The following MACF1 variants were observed in gnomAD, a reference collection of about 807,000 sequenced individuals.
MACF1 encodes microtubule-actin cross-linking factor 1.
MACF1 carries 193 observed loss-of-function variants against 854.8 expected under a neutral mutation model. That is an observed-to-expected ratio of 0.23 (90% CI 0.20 to 0.25). The LOEUF (loss-of-function observed/expected upper bound fraction) is 0.25, where lower values mean the gene tolerates loss of function less well. MACF1 is among the 10% of genes least tolerant of loss of function. MACF1 has a pLI of 1.00. For missense variants in MACF1, 7,722 were observed against 8,929.1 expected (o/e 0.86, Z 5.45); for synonymous variants, 3,185 against 3,226.7 (o/e 0.99, Z 0.44).
chr1:39,363,608 T>TTTC (rs1557610954), intron 49 of MACF1, among the ~76,000 whole-genome samples: 1 of 71,288 alleles, frequency 1.4e-5, no homozygotes, highest in Non-Finnish European at 2.6e-5. Flanking sequence ...TTCTTTCTTT[T>TTTC]TTTTTTTTTT....
chr1:39,334,621 C>T lies in MACF1; in HGVS notation c.8033C>T (p.Ala2678Val). 6.2e-7 allele frequency: 1 copy of T among 1,614,030 alleles called. No individual in the cohort carries two copies. Among genetic ancestry groups the T allele is most frequent in the Non-Finnish European group, 8.5e-7 (1 of 1,179,988 alleles). The change falls in exon 37 of 101, where the codon GCA (alanine) becomes GTA (valine). Residue 2678 changes from alanine (A) to valine (V), a missense_variant. Physicochemically the swap from Ala to Val is moderately conservative, Grantham distance 64. This residue lies in a region of MACF1 where 1,531 missense variants were observed against 1,601.6 expected (regional missense o/e 0.96). Transcript: ENST00000564288. ...ATTCAGCTTGGAAAAGTAGACTTTG[C>T]ATCTACGCTGAAGGTTCTAGAAGCC... Reference protein sequence around the residue: ...QAIQLGKVDFASTLKVLEAQA... With the variant: ...QAIQLGKVDFVSTLKVLEAQA...
At chr1:39,432,033 A>G (rs967707408) in intron 66 of MACF1, among the ~76,000 whole-genome samples, 2 of 152,222 alleles carry the variant, frequency 1.3e-5, no homozygotes, top group Admixed American at 6.5e-5. Flanking sequence ...ACAGTCACGT[A>G]GAACATGTTC....
chr1:39,212,194 C>T (rs1012517682), intron 1 of MACF1, among the ~76,000 whole-genome samples: 1 of 152,062 alleles, frequency 6.6e-6, no homozygotes, highest in African/African-American at 2.4e-5. Flanking sequence ...CTACCTTTAA[C>T]AGGAAATGAC....
Position 39,295,099 on chromosome 1 carries a change from T to C in MACF1, c.2208T>C (p.Asp736=), listed in dbSNP as rs756012268. ...AGGATGTGTTTCGTTCTCTACAAGA[T>C]ACAGCAGAACTACTTTCACTTGAGA... ...EKQDVFRSLQ[D]TAELLSLENH... is the part of the protein sequence containing the mutation. Residue 736 remains aspartate, a synonymous_variant, in exon 19 of 101, where the codon GAT becomes GAC. Transcript: ENST00000564288. The C allele has an allele frequency of 1.3e-5, 21 of 1,614,014 alleles. No individual in the cohort carries two copies. Among genetic ancestry groups the C allele is most frequent in the Non-Finnish European group, 8.5e-7 (1 of 1,180,008 alleles).
At chr1:39,111,767 G>A (rs1020430046) in intron 2 of MACF1, among the ~76,000 whole-genome samples, 7 of 152,052 alleles carry the variant, frequency 4.6e-5, no homozygotes, top group African/African-American at 1.4e-4. Flanking sequence ...TCTTGCCCTG[G>A]CCTCCCAAAA....
chr1:39,235,646 T>C (rs1289554629), intron 2 of MACF1, among the ~76,000 whole-genome samples: 1 of 152,220 alleles, frequency 6.6e-6, no homozygotes, highest in African/African-American at 2.4e-5. Flanking sequence ...TCTGTGTCTG[T>C]TGCCTTGACC....
At chr1:39,432,005 G>T (rs964401174) in intron 66 of MACF1, among the ~76,000 whole-genome samples, 2 of 152,128 alleles carry the variant, frequency 1.3e-5, no homozygotes, top group African/African-American at 4.8e-5. Flanking sequence ...GGAGGATTGG[G>T]GAGCCCTCAT....
intron 22 of MACF1, 70 bp from the exon 23 acceptor site, chr1:39,302,854 G>T: frequency 7.0e-7 from 1 of 1,436,882 alleles, no homozygotes; most frequent in Non-Finnish European, 9.6e-7. Flanking sequence ...ATAGCTTTGG[G>T]ATGAGGCACC....
At chr1:39,431,918 G>C (rs1420474679) in intron 66 of MACF1, among the ~76,000 whole-genome samples, 3 of 152,204 alleles carry the variant, frequency 2.0e-5, no homozygotes, top group Admixed American at 6.5e-5. Context: ...AGAGCCTGCA[G>C]TGAGCTATGA....
intron 2 of MACF1, among the ~76,000 whole-genome samples, chr1:39,126,831 A>G (rs1026341858): frequency 2.6e-5 from 4 of 152,074 alleles, no homozygotes; most frequent in Admixed American, 6.6e-5. Context: ...ATCAAAACAA[A>G]TGGTTTAGTC....
chr1:39,369,993 C>G (rs763870914), intron 50 of MACF1, 37 bp from the exon 51 acceptor site: 2 of 1,584,736 alleles, frequency 1.3e-6, no homozygotes, highest in Non-Finnish European at 1.7e-6. Context: ...CTTTATAAAA[C>G]TTAGTCTGGC....
At chr1:39,336,779 G>T in intron 37 of MACF1, 126 bp downstream of exon 37, 2 of 864,560 alleles carry the variant, frequency 2.3e-6, no homozygotes, top group South Asian at 4.5e-5. Flanking sequence ...GGCACTAGAT[G>T]ATTCTCTAAG....
intron 78 of MACF1, 112 bp from the exon 79 acceptor site, chr1:39,443,334 A>G (rs902789183): frequency 8.9e-7 from 1 of 1,129,024 alleles, no homozygotes; most frequent in Non-Finnish European, 1.2e-6. Context: ...GCTTTGCCAG[A>G]GAGCAGCCGA....
intron 2 of MACF1, among the ~76,000 whole-genome samples, chr1:39,237,330 A>G (rs563078378): frequency 6.0e-4 from 91 of 152,310 alleles, no homozygotes; most frequent in African/African-American, 2.2e-3. Context: ...TGCCTTGAAG[A>G]GATGCCTGTG....
At position 39,356,436 on chromosome 1, in the gene MACF1, G is replaced by A. The variant is rs185529090; in HGVS notation, c.11425-939G>A. ...TTGCCAGGCTGGAGTGCAGTGGCAG[G>A]GTCTTGGCTCACTGCAATCTCTGCC... On this transcript the variant is annotated intron_variant, in intron 44 of 100. Transcript: ENST00000564288. Among the ~76,000 whole-genome samples the A allele has an allele frequency of 1.9e-3, 286 of 151,912 alleles. 2 individuals carry two copies. The highest frequency in any genetic ancestry group is 6.3e-3 in the African/African-American group (260 of 41,396).
At chr1:39,455,375 AC>A (rs1378159774) in intron 89 of MACF1, among the ~76,000 whole-genome samples, 8 of 152,118 alleles carry the variant, frequency 5.3e-5, no homozygotes, top group Non-Finnish European at 8.8e-5. Flanking sequence ...TTTTAGGCTC[AC>A]TCAGGATGTT....
chr1:39,240,852 C>T (rs548805910), intron 2 of MACF1, among the ~76,000 whole-genome samples: 1 of 152,202 alleles, frequency 6.6e-6, no homozygotes, highest in South Asian at 2.1e-4. Flanking sequence ...CCGGGTTGAC[C>T]GGTACCACTG....
rs1354879084 is a variant in MACF1 at position 39,387,906 on chromosome 1, A to G, written c.15064A>G (p.Ile5022Val). ...GGAGTTCCAGGAAAGCTTTAAGAAT[A>G]TTGAAAAGAAGGTTGAAGGAGCCAA... ...LREFQESFKN[I>V]EKKVEGAKHQ... Residue 5022 changes from isoleucine (I) to valine (V), a missense_variant, in exon 58 of 101, where the codon ATT becomes GTT. Coordinates refer to ENST00000564288, the MANE Select transcript of MACF1 (RefSeq NM_001394062.1). 6.2e-7 allele frequency: 1 copy of G among 1,614,010 alleles called. No homozygotes were observed. The highest frequency in any genetic ancestry group is 1.6e-4 in the Middle Eastern group (1 of 6,062).
intron 70 of MACF1, chr1:39,436,354 T>TC: frequency 1.1e-6 from 1 of 910,198 alleles, no homozygotes; most frequent in Non-Finnish European, 1.8e-6. Context: ...CTCAAGTTTC[T>TC]CCCCCCACCT....
Sources: allele counts gnomAD v4.1 joint callset (sites outside exome capture counted in the v4.1 genomes callset), GRCh38; gene constraint gnomAD v4.1.1; regional missense constraint gnomAD v4.1.1; transcripts MANE v1.5; gene names NCBI Gene and HGNC (gene_info 2026-07-23, HGNC 2026-07-21).